The following LARGE1 variants were observed in gnomAD, a reference collection of about 807,000 sequenced individuals.
LARGE1 encodes the protein LARGE xylosyl- and glucuronyltransferase 1.
LARGE1 carries 43 observed loss-of-function variants against 87.6 expected under a neutral mutation model. The observed-to-expected ratio is 0.49, with a 90% CI of 0.38 to 0.63. LARGE1 has a LOEUF of 0.63. Among genes scored for constraint, LARGE1 ranks in the 30% least tolerant of loss-of-function variants. LARGE1 has a pLI of 0.00. For synonymous variants in LARGE1, 434 were observed against 394.6 expected, an observed-to-expected ratio of 1.10 and a Z score of -1.18; for missense variants, 802 against 1,000.2, an observed-to-expected ratio of 0.80 and a Z score of 2.67.
At position 33,381,955 on chromosome 22, in the gene LARGE1, G is replaced by T. The variant is rs775639749; in HGVS notation, c.1095C>A (p.Arg365=). ...FWNVQLSDHT[R]SEQCYRDVSD... is the part of the protein sequence containing the mutation. Reference sequence around the variant, plus strand: ...ACACGTCTCTGTAGCACTGCTCGGAGCGGGTGTGGTCTGACAGCTGCACAT... The same window carrying T: ...ACACGTCTCTGTAGCACTGCTCGGATCGGGTGTGGTCTGACAGCTGCACAT... Residue 365 remains arginine (R), a synonymous_variant, in exon 9 of 15, where the codon CGC becomes CGA. Coordinates refer to ENST00000397394, the MANE Select transcript of LARGE1 (RefSeq NM_133642.5). The T allele has an allele frequency of 3.7e-6, 6 of 1,614,152 alleles. No homozygotes were observed. The highest frequency in any genetic ancestry group is 5.1e-6 in the Non-Finnish European group (6 of 1,180,028).
At chr22:33,406,718 T>C (rs188991284) in intron 7 of LARGE1, among the ~76,000 whole-genome samples, 1 of 152,336 alleles carries the variant, frequency 6.6e-6, no homozygotes, top group African/African-American at 2.4e-5. Flanking sequence ...TGGGGCCTCA[T>C]CCTGATGATG....
chr22:33,658,293 T>G (rs1435677999), intron 2 of LARGE1, among the ~76,000 whole-genome samples: 1 of 152,216 alleles, frequency 6.6e-6, no homozygotes, highest in African/African-American at 2.4e-5. Flanking sequence ...AAATTTTAAT[T>G]TAATTTTACG....
chr22:33,169,117 G>T (rs1216422701), intron 11 of LARGE1, among the ~76,000 whole-genome samples: 1 of 152,130 alleles, frequency 6.6e-6, no homozygotes, highest in Non-Finnish European at 1.5e-5. Flanking sequence ...GAATATTTTT[G>T]AAAGCAGGAG....
chr22:33,650,494 C>G lies in LARGE1; in HGVS notation c.281G>C (p.Arg94Pro), dbSNP rs754383742. 4 of 1,613,682 alleles carry G rather than the reference C, an allele frequency of 2.5e-6. No individual in the cohort carries two copies. The highest frequency in any genetic ancestry group is 3.4e-6 in the Non-Finnish European group (4 of 1,180,040). The change falls in exon 3 of 15, where the codon CGC (arginine) becomes CCC (proline). Residue 94 changes from arginine to proline, a missense_variant. Coordinates refer to ENST00000397394, the MANE Select transcript of LARGE1 (RefSeq NM_133642.5). The part of the protein sequence containing the change: ...SLAQGRAPSH[R>P]RGNHSKTYSM... ...GTAGGTCTTGGAGTGGTTGCCTCGG[C>G]GATGGGATGGGGCTCGGCCCTGGGC... is the stretch of plus-strand genomic sequence containing the variant.
In LARGE1 at chr22:33,381,947, T is replaced by G; in HGVS notation, c.1103A>C (p.Gln368Pro). 6.2e-7 allele frequency: 1 copy of G among 1,614,130 alleles called. No individual in the cohort carries two copies. Among genetic ancestry groups the G allele is most frequent in the Non-Finnish European group, 8.5e-7 (1 of 1,180,008 alleles). ...VQLSDHTRSE[Q>P]CYRDVSDLKV... ...TAGATCAGACACGTCTCTGTAGCAC[T>G]GCTCGGAGCGGGTGTGGTCTGACAG... The change falls in exon 9 of 15, where the codon CAG (glutamine) becomes CCG (proline). Residue 368 changes from glutamine to proline, a missense_variant. This residue lies in a region of LARGE1 where 625 missense variants were observed against 841.9 expected (regional missense o/e 0.74). Transcript: ENST00000397394.
At chr22:33,403,819 G>A (rs1216322268) in intron 7 of LARGE1, among the ~76,000 whole-genome samples, 1 of 152,106 alleles carries the variant, frequency 6.6e-6, no homozygotes, top group Non-Finnish European at 1.5e-5. Context: ...GGCCAGGCTT[G>A]TCTCGAACTC....
Position 33,279,303 on chromosome 22 carries a change from G to A in LARGE1, c.1878-2048C>T, listed in dbSNP as rs147955189. 3.3e-3 allele frequency among the ~76,000 whole-genome samples: 510 copies of A among 152,278 alleles called. 13 individuals are homozygous for A. Among genetic ancestry groups the A allele is most frequent in the Admixed American group, 0.029 (447 of 15,294 alleles). ...TGAAATGAAAACAAGACAGAAGGGT[G>A]GGAACCCAAGAGCATAGCTGCAGGG... On this transcript the variant is annotated intron_variant, in intron 13 of 14. Transcript: ENST00000397394.
chr22:33,119,373 T>A, the LARGE1 span, among the ~76,000 whole-genome samples: 4 of 152,312 alleles, frequency 2.6e-5, no homozygotes, highest in African/African-American at 9.6e-5. Flanking sequence ...AAAGCTTTTA[T>A]CCACCCAGTG....
chr22:33,114,552 TA>T, the LARGE1 span, among the ~76,000 whole-genome samples: 1 of 152,184 alleles, frequency 6.6e-6, no homozygotes, highest in Non-Finnish European at 1.5e-5. Flanking sequence ...GCATTATGCC[TA>T]AAAAAACTCA....
At chr22:33,416,634 C>T (rs975362874) in intron 7 of LARGE1, among the ~76,000 whole-genome samples, 2 of 152,064 alleles carry the variant, frequency 1.3e-5, no homozygotes, top group East Asian at 1.9e-4. Flanking sequence ...GACGGAGTCT[C>T]GCATTGTCGC....
At chr22:33,465,427 C>CT (rs1283398891) in intron 6 of LARGE1, among the ~76,000 whole-genome samples, 1 of 152,162 alleles carries the variant, frequency 6.6e-6, no homozygotes, top group Admixed American at 6.5e-5. Flanking sequence ...GTTTATTACT[C>CT]TTTAAACAGA....
chr22:33,862,322 A>G (rs1316735876), intron 1 of LARGE1, among the ~76,000 whole-genome samples: 1 of 152,192 alleles, frequency 6.6e-6, no homozygotes. Flanking sequence ...TGTTCGGCCC[A>G]CCTGGGAGCC....
chr22:33,158,387 T>A (rs16991890), downstream of LARGE1, among the ~76,000 whole-genome samples: 4,022 of 152,268 alleles, frequency 0.026, 187 homozygotes, highest in East Asian at 0.19. Context: ...ATAGAGCCTA[T>A]GTTTGAACAT....
At chr22:33,784,373 A>G (rs2085529400) in intron 1 of LARGE1, among the ~76,000 whole-genome samples, 1 of 152,216 alleles carries the variant, frequency 6.6e-6, no homozygotes, top group Non-Finnish European at 1.5e-5. Flanking sequence ...CGAAGTCACA[A>G]GCCAGTAAAT....
At chr22:33,183,072 G>A (rs747141386) in intron 11 of LARGE1, among the ~76,000 whole-genome samples, 1 of 151,894 alleles carries the variant, frequency 6.6e-6, no homozygotes, top group African/African-American at 2.4e-5. Flanking sequence ...TATCTGATAA[G>A]CAGTATCATG....
intron 6 of LARGE1, among the ~76,000 whole-genome samples, chr22:33,440,299 G>A (rs555198673): frequency 4.7e-4 from 72 of 152,262 alleles, no homozygotes; most frequent in African/African-American, 1.5e-3. Flanking sequence ...AAGTAGATGC[G>A]TACTAGTTAA....
intron 4 of LARGE1, among the ~76,000 whole-genome samples, chr22:33,620,809 C>G (rs1457446565): frequency 6.6e-6 from 1 of 151,972 alleles, no homozygotes; most frequent in Non-Finnish European, 1.5e-5. Flanking sequence ...CCCAGCTACT[C>G]AAGAGGCTGA....
rs140885168 is a variant in LARGE1, at chr22:33,820,573, C to T, written c.-82-59015G>A. 1.1e-4 allele frequency among the ~76,000 whole-genome samples: 16 copies of T among 152,178 alleles called. No individual in the cohort carries two copies. In the East Asian group the frequency reaches 1.7e-3, roughly 17 times the overall value. On this transcript the variant is annotated intron_variant, in intron 1 of 14. Transcript: ENST00000397394. The stretch of plus-strand genomic sequence containing the variant: ...AACTTCTGGCCTCAAGCAATCCTCC[C>T]GCCTCAGCCTCCCGAAGTGCTAGGA...
intron 7 of LARGE1, among the ~76,000 whole-genome samples, chr22:33,411,927 T>C (rs189557749): frequency 5.4e-4 from 83 of 152,314 alleles, no homozygotes; most frequent in African/African-American, 1.8e-3. Context: ...TAATTACATA[T>C]GTGGAAAGCA....
Sources: gnomAD v4.1 joint callset for allele counts (sites outside exome capture counted in the v4.1 genomes callset) on GRCh38, gnomAD v4.1.1 for gene constraint, gnomAD v4.1.1 regional missense constraint, MANE v1.5 for transcripts, NCBI Gene and HGNC (gene_info 2026-07-23, HGNC 2026-07-21) for gene names.